Variants in EXD1 observed in about 807,000 individuals in gnomAD.
The protein encoded by EXD1 is piRNA biogenesis protein EXD1.
A neutral mutation model predicts 49.1 loss-of-function variants in EXD1; 63 were observed. The ratio of observed to expected loss-of-function variants is 1.28; its 90% CI spans 1.05 to 1.58. EXD1 has a LOEUF of 1.58. Ranked by LOEUF, EXD1 falls within the 40% of genes most tolerant of loss-of-function variation. EXD1 has a pLI of 0.00. For synonymous variants in EXD1, 234 were observed against 239.2 expected (o/e 0.98, Z 0.20); for missense variants, 748 against 666.0 (o/e 1.12, Z -1.36).
chr15:41,189,594 C>T (rs762833784), intron 11 of EXD1, among the ~76,000 whole-genome samples: 30 of 151,854 alleles, frequency 2.0e-4, no homozygotes, highest in African/African-American at 5.6e-4. Flanking sequence ...ACCCAGGAGG[C>T]GGAGTTTTCA....
chr15:41,222,090 A>T (rs1033543913), intron 2 of EXD1, among the ~76,000 whole-genome samples: 1 of 150,282 alleles, frequency 6.7e-6, no homozygotes, highest in African/African-American at 2.5e-5. Context: ...ACAGAGTGAG[A>T]CTCCGTCTCG....
intron 1 of EXD1, among the ~76,000 whole-genome samples, chr15:41,229,714 G>C (rs1262555742): frequency 1.3e-5 from 2 of 152,152 alleles, no homozygotes; most frequent in African/African-American, 2.4e-5. Flanking sequence ...GTTTCGGTGA[G>C]CTGAGATGGC....
rs528537230 is a variant in EXD1 at position 41,220,420 on chromosome 15, GCCA to G, written c.134-525_134-523del. ...CGAGTAGCTCGGACTACAGGCACGA[GCCA>G]CCACGTTTTATATTTTAGTAGAGAC... On this transcript the variant is annotated intron_variant, in intron 2 of 11. Transcript: ENST00000458580. Among the ~76,000 whole-genome samples the G allele has an allele frequency of 2.0e-5, 3 of 152,200 alleles. No homozygotes were observed. In the East Asian group the frequency reaches 5.8e-4, roughly 29 times the overall value.
chr15:41,226,420 CATT>C lies in EXD1; in HGVS notation c.133+20_133+22del. ...ATCACTAATCTCTTAAAAGGCAGAA[CATT>C]ATAAGAAATAGAACAAGACCTTTCT... On this transcript the variant is annotated intron_variant, in intron 2 of 11. Coordinates refer to ENST00000458580, the MANE Select transcript of EXD1 (RefSeq NM_001286441.2). 2 of 1,534,648 alleles carry C rather than the reference CATT, an allele frequency of 1.3e-6. No individual in the cohort carries two copies. The highest frequency in any genetic ancestry group is 1.7e-6 in the Non-Finnish European group (2 of 1,146,026).
At chr15:41,199,722 T>TTATATATCACA (rs1391239565) in intron 7 of EXD1, among the ~76,000 whole-genome samples, 2 of 94,598 alleles carry the variant, frequency 2.1e-5, no homozygotes, top group African/African-American at 9.5e-5. Context: ...ATATGATATA[T>TTATATATCACA]TATATATGAT....
rs147671305 is a variant in EXD1 at position 41,210,662 on chromosome 15, T to TAAA, written c.448-1078_448-1076dup. Among the ~76,000 whole-genome samples, 140 of 146,570 alleles carry TAAA rather than the reference T, an allele frequency of 9.6e-4. 1 individual carries two copies. The highest frequency in any genetic ancestry group is 3.4e-3 in the African/African-American group (137 of 40,446). On this transcript the variant is annotated intron_variant, in intron 6 of 11. Transcript: ENST00000458580. ...CCATGATGATGCACTTCAGCCTGTG[T>TAAA]AAAAAAAAAAACACAAAACACTGAA...
intron 9 of EXD1, among the ~76,000 whole-genome samples, chr15:41,194,137 G>A (rs563563698): frequency 2.7e-5 from 4 of 149,368 alleles, no homozygotes; most frequent in South Asian, 2.1e-4. Flanking sequence ...TCAGCCTCCC[G>A]AGTAGCTGGG....
At chr15:41,227,661 G>C (rs2047183281) in intron 1 of EXD1, among the ~76,000 whole-genome samples, 1 of 130,990 alleles carries the variant, frequency 7.6e-6, no homozygotes, top group East Asian at 2.2e-4. Flanking sequence ...CTGTGCGACA[G>C]AGCAACACTG....
In EXD1 at chr15:41,184,427, T is replaced by C. The variant is rs200816556; in HGVS notation, c.1223A>G (p.Lys408Arg). ...TTTACCAAATAAGAAGCCTTTGACT[T>C]TCTCCTCTTTCCCTGCTGTCTCTGT... ...LVTETAGKEEKVKGFLFGKNF... is the reference protein window; with the variant it reads ...LVTETAGKEERVKGFLFGKNF... The change falls in exon 12 of 12, where the codon AAA (lysine) becomes AGA (arginine). Residue 408 changes from lysine to arginine, a missense_variant. By Grantham distance (26) the Lys-to-Arg change is conservative. Transcript: ENST00000458580. 1.9e-6 allele frequency: 3 copies of C among 1,614,190 alleles called. No individual in the cohort carries two copies. In the African/African-American group the frequency reaches 4.0e-5, roughly 22 times the overall value.
chr15:41,216,298 C>T (rs960482436), intron 5 of EXD1, among the ~76,000 whole-genome samples: 22 of 145,636 alleles, frequency 1.5e-4, no homozygotes, highest in African/African-American at 5.2e-4. Flanking sequence ...ATTTGACTGA[C>T]CTGGTTAAAA....
chr15:41,225,868 G>A (rs2047156122), intron 2 of EXD1, among the ~76,000 whole-genome samples: 1 of 151,592 alleles, frequency 6.6e-6, no homozygotes, highest in Non-Finnish European at 1.5e-5. Flanking sequence ...CTGGGGGATG[G>A]AGCAAGACAA....
At chr15:41,229,893 C>T (rs894784471) in intron 1 of EXD1, among the ~76,000 whole-genome samples, 1 of 152,098 alleles carries the variant, frequency 6.6e-6, no homozygotes, top group Non-Finnish European at 1.5e-5. Flanking sequence ...AAACTAGTAA[C>T]TTAAGTTGAC....
Position 41,184,385 on chromosome 15 carries a change from TTATC to T in EXD1, c.1261_1264del (p.Asp421LysfsTer14). The T allele has an allele frequency of 6.2e-7, 1 of 1,614,054 alleles. No individual in the cohort carries two copies. On this transcript the variant is annotated frameshift_variant, in exon 12 of 12. Transcript: ENST00000458580. LOFTEE classifies it low-confidence loss of function (END_TRUNC). ...GTCTTGAGATGTAAAACTTGGAGCT[TTATC>T]TATCCTAAAATTTTTACCAAATAAG...
rs1227322548 is a variant in EXD1 at position 41,183,648 on chromosome 15, T to C, written c.*283A>G. 4 of 274,498 alleles carry C rather than the reference T, an allele frequency of 1.5e-5. No homozygotes were observed. Among genetic ancestry groups the C allele is most frequent in the Non-Finnish European group, 2.7e-5 (4 of 148,498 alleles). The allele number at this position is 274,498 out of a possible 1,614,324, so 17.0% of individuals were successfully genotyped here. A position where few individuals can be genotyped will look rare whatever the true frequency, so the allele number is the denominator to read the frequency against. ...GATACTAAGCCCAAGATTCTTCCTT[T>C]CTTCAAATCCTCTAAACCCAAATTA... On this transcript the variant is annotated 3_prime_UTR_variant, in exon 12 of 12. Transcript: ENST00000458580.
At chr15:41,217,380 A>G (rs1294993855) in intron 3 of EXD1, among the ~76,000 whole-genome samples, 1 of 152,226 alleles carries the variant, frequency 6.6e-6, no homozygotes. Flanking sequence ...TTGGTTATTT[A>G]GAAGGATTAG....
rs747587519 is a variant in EXD1 at position 41,191,582 on chromosome 15, C to G, written c.724G>C (p.Ala242Pro). The change falls in exon 10 of 12, where the codon GCA (alanine) becomes CCA (proline). Residue 242 changes from alanine (A) to proline (P), a missense_variant. Coordinates refer to ENST00000458580, the MANE Select transcript of EXD1 (RefSeq NM_001286441.2). The stretch of plus-strand genomic sequence containing the variant: ...TCCATGGAAAACTGAAGTACATCTG[C>G]TACCTGTGGTATTTTAAAAAGACAA... ...LLNNVFDTQV[A>P]DVLQFSMETG... 1.2e-6 allele frequency: 2 copies of G among 1,613,758 alleles called. No individual in the cohort carries two copies. Among genetic ancestry groups the G allele is most frequent in the Non-Finnish European group, 1.7e-6 (2 of 1,179,896 alleles).
chr15:41,191,308 T>A (rs562735843), intron 10 of EXD1, 134 bp downstream of exon 10: 1 of 755,626 alleles, frequency 1.3e-6, no homozygotes, highest in East Asian at 2.7e-5. Context: ...CATTCCCATT[T>A]GGTACAGTTA....
intron 7 of EXD1, 98 bp from the exon 8 acceptor site, chr15:41,196,135 A>T: frequency 1.2e-6 from 1 of 806,992 alleles, no homozygotes; most frequent in East Asian, 2.7e-5. Context: ...AAAATATCTA[A>T]CATCTTCACT....
intron 1 of EXD1, among the ~76,000 whole-genome samples, chr15:41,230,106 C>T (rs1464761314): frequency 2.5e-5 from 3 of 119,660 alleles, no homozygotes; most frequent in East Asian, 4.7e-4. Context: ...TTTTTTGAGA[C>T]GGAGTCTTGC....
Sources: allele counts gnomAD v4.1 joint callset (sites outside exome capture counted in the v4.1 genomes callset), GRCh38; gene constraint gnomAD v4.1.1; transcripts MANE v1.5; gene names NCBI Gene and HGNC (gene_info 2026-07-23, HGNC 2026-07-21).